Variants in ZBTB41 observed in about 807,000 individuals in gnomAD.
ZBTB41 encodes the protein zinc finger and BTB domain containing 41.
In ZBTB41, 42 loss-of-function variants were observed where a neutral mutation model predicts 87.6. The observed-to-expected ratio is 0.48, with a 90% CI of 0.37 to 0.62. The LOEUF (loss-of-function observed/expected upper bound fraction) is 0.62, where lower values mean the gene tolerates loss of function less well. Ranked by LOEUF, ZBTB41 falls within the 20% of genes least tolerant of loss-of-function variation. The pLI is 0.00. For synonymous variants in ZBTB41, 364 were observed against 364.0 expected (o/e 1.00, Z 0.00); for missense variants, 799 against 1,078.9 (o/e 0.74, Z 3.63).
rs1396183180 is a variant in ZBTB41 at position 197,159,369 on chromosome 1, T to A, written c.2720A>T (p.His907Leu). 1 of 1,613,128 alleles carries A rather than the reference T, an allele frequency of 6.2e-7. No individual in the cohort carries two copies. The highest frequency in any genetic ancestry group is 1.3e-5 in the African/African-American group (1 of 74,896). ...AATGTTTAGATTTACTCATGAATGA[T>A]GCTCATTCGTAGAAATATTTTGAAC... ...TGVQNISTNE[H>L]HS Residue 907 changes from histidine to leucine, a missense_variant, in exon 11 of 11, where the codon CAT becomes CTT. By Grantham distance (99) the His-to-Leu change is moderately conservative. This residue lies in a region of ZBTB41 where 171 missense variants were observed against 191.9 expected (regional missense o/e 0.89). Transcript: ENST00000367405.
At chr1:197,180,123 T>C (rs991667407) in intron 6 of ZBTB41, among the ~76,000 whole-genome samples, 7 of 152,138 alleles carry the variant, frequency 4.6e-5, no homozygotes, top group Non-Finnish European at 4.4e-5. Context: ...TTCTTTTTTA[T>C]ATTTTATACC....
At position 197,156,203 on chromosome 1, in the gene ZBTB41, A is replaced by G. The variant is rs1266321822; in HGVS notation, c.*3156T>C. On this transcript the variant is annotated 3_prime_UTR_variant, in exon 11 of 11. Coordinates refer to ENST00000367405, the MANE Select transcript of ZBTB41 (RefSeq NM_194314.3). ...ATCAATCTCAGTATTCAAACTAACA[A>G]CTTTTTTTTTTTAAAAAAATCCATT... The G allele has an allele frequency of 7.3e-6, 1 of 137,024 alleles. No homozygotes were observed. Among genetic ancestry groups the G allele is most frequent in the East Asian group, 2.0e-4 (1 of 5,054 alleles). 8.5% of individuals were successfully genotyped at this position (137,024 alleles called of 1,614,324 possible).
chr1:197,157,519 G>A lies in ZBTB41; in HGVS notation c.*1840C>T, dbSNP rs4639796. The stretch of plus-strand genomic sequence containing the variant: ...AATTTGAAAGACTAACAGACTAACA[G>A]TACCTCATATAGTCAACCTCAATCA... On this transcript the variant is annotated 3_prime_UTR_variant, in exon 11 of 11. Transcript: ENST00000367405. The A allele has an allele frequency of 0.18, 26,609 of 151,782 alleles. 3,823 individuals carry two copies. The highest frequency in any genetic ancestry group is 0.7 in the East Asian group (3,583 of 5,150). 9.4% of individuals were successfully genotyped at this position (151,782 alleles called of 1,614,324 possible). A position where few individuals can be genotyped will look rare whatever the true frequency, so the allele number is the denominator to read the frequency against.
In ZBTB41 at chr1:197,156,793, T is replaced by C. The variant is rs1224747380; in HGVS notation, c.*2566A>G. 1.3e-5 allele frequency: 2 copies of C among 152,212 alleles called. No homozygotes were observed. Among genetic ancestry groups the C allele is most frequent in the African/African-American group, 2.4e-5 (1 of 41,400 alleles). 9.4% of individuals were successfully genotyped at this position (152,212 alleles called of 1,614,324 possible). ...AAACTATTACTTCACCAGAATTATATTACGCATCTCCCAGACTAGGTTAAG... is the reference window on the plus strand; with the variant it reads ...AAACTATTACTTCACCAGAATTATACTACGCATCTCCCAGACTAGGTTAAG... On this transcript the variant is annotated 3_prime_UTR_variant, in exon 11 of 11. Transcript: ENST00000367405.
rs935308625 is a variant in ZBTB41, at chr1:197,153,836, A to G, written c.*5523T>C. ...CATCAGACAACCAAAGTATGTATAAAACTCACAAGATATTTTACACACAGT... is the reference window on the plus strand; with the variant it reads ...CATCAGACAACCAAAGTATGTATAAGACTCACAAGATATTTTACACACAGT... On this transcript the variant is annotated 3_prime_UTR_variant, in exon 11 of 11. Coordinates refer to ENST00000367405, the MANE Select transcript of ZBTB41 (RefSeq NM_194314.3). The G allele has an allele frequency of 9.2e-5, 14 of 152,210 alleles. No homozygotes were observed. Among genetic ancestry groups the G allele is most frequent in the Admixed American group, 7.2e-4 (11 of 15,278 alleles). The allele number at this position is 152,210 out of a possible 1,614,324, so 9.4% of individuals were successfully genotyped here.
intron 2 of ZBTB41, among the ~76,000 whole-genome samples, chr1:197,198,400 T>C (rs1025249182): frequency 6.6e-6 from 1 of 152,174 alleles, no homozygotes; most frequent in African/African-American, 2.4e-5. Context: ...TTTCCGCCTA[T>C]ATCAATAACA....
At chr1:197,198,583 T>G (rs1367831290) in intron 2 of ZBTB41, among the ~76,000 whole-genome samples, 2 of 152,160 alleles carry the variant, frequency 1.3e-5, no homozygotes, top group Non-Finnish European at 1.5e-5. Flanking sequence ...AAAGTTTACA[T>G]TAGAACAGTT....
chr1:197,195,084 G>A (rs1244002328), intron 2 of ZBTB41, among the ~76,000 whole-genome samples: 2 of 152,086 alleles, frequency 1.3e-5, no homozygotes, highest in Admixed American at 1.3e-4. Context: ...TCATGGAGTG[G>A]GGCATTCAAT....
intron 6 of ZBTB41, among the ~76,000 whole-genome samples, chr1:197,178,837 TAG>T (rs913633741): frequency 6.6e-6 from 1 of 152,154 alleles, no homozygotes; most frequent in African/African-American, 2.4e-5. Context: ...TGAATTTTGA[TAG>T]AGAGGGTTTA....
intron 6 of ZBTB41, among the ~76,000 whole-genome samples, chr1:197,180,397 T>A (rs756682671): frequency 4.6e-5 from 7 of 152,154 alleles, no homozygotes; most frequent in Non-Finnish European, 5.9e-5. Flanking sequence ...AAGCGGCGCA[T>A]GACTGTACTT....
Position 197,154,079 on chromosome 1 carries a change from T to C in ZBTB41, c.*5280A>G, listed in dbSNP as rs1031789681. On this transcript the variant is annotated 3_prime_UTR_variant, in exon 11 of 11. Coordinates refer to ENST00000367405, the MANE Select transcript of ZBTB41 (RefSeq NM_194314.3). ...ATTTTCTGGCAGCCACACTCATCAA[T>C]TGTAATACAGTTTTATCAATAGGGA... 2.0e-5 allele frequency: 3 copies of C among 152,552 alleles called. No homozygotes were observed. Among genetic ancestry groups the C allele is most frequent in the Non-Finnish European group, 2.9e-5 (2 of 67,970 alleles). The allele number at this position is 152,552 out of a possible 1,614,324, so 9.4% of individuals were successfully genotyped here.
At position 197,199,538 on chromosome 1, in the gene ZBTB41, C is replaced by A; in HGVS notation, c.936G>T (p.Glu312Asp). Residue 312 changes from glutamate to aspartate, a missense_variant, in exon 2 of 11, where the codon GAG (glutamate) becomes GAT (aspartate). Coordinates refer to ENST00000367405, the MANE Select transcript of ZBTB41 (RefSeq NM_194314.3). ...YNAEEDELEE[E>D]MSDEYSDIEE... The stretch of plus-strand genomic sequence containing the variant: ...CAATGTCAGAGTACTCATCTGACAT[C>A]TCCTCCTCTAGCTCATCTTCTTCAG... The A allele has an allele frequency of 6.2e-7, 1 of 1,609,740 alleles. No individual in the cohort carries two copies. The highest frequency in any genetic ancestry group is 8.5e-7 in the Non-Finnish European group (1 of 1,178,550).
rs1571640852 is a variant in ZBTB41 at position 197,156,533 on chromosome 1, A to G, written c.*2826T>C. 6.6e-6 allele frequency: 1 copy of G among 152,282 alleles called. No individual in the cohort carries two copies. The highest frequency in any genetic ancestry group is 6.6e-5 in the Admixed American group (1 of 15,210). The allele number at this position is 152,282 out of a possible 1,614,324, so 9.4% of individuals were successfully genotyped here. A position where few individuals can be genotyped will look rare whatever the true frequency, so the allele number is the denominator to read the frequency against. On this transcript the variant is annotated 3_prime_UTR_variant, in exon 11 of 11. Transcript: ENST00000367405. ...TACAGTTACAAAATAAATGGATTAG[A>G]GTTATAGAGCATTTGTCCAAAATAC...
At chr1:197,163,844 A>C (rs1337031252) in intron 10 of ZBTB41, among the ~76,000 whole-genome samples, 1 of 152,088 alleles carries the variant, frequency 6.6e-6, no homozygotes. Context: ...AAAGTGCCAA[A>C]TGAAAAAAGC....
chr1:197,197,419 G>A (rs1274441540), intron 2 of ZBTB41, among the ~76,000 whole-genome samples: 1 of 151,900 alleles, frequency 6.6e-6, no homozygotes, highest in Non-Finnish European at 1.5e-5. Context: ...AGAGGAATGG[G>A]TAGAAGAGTG....
chr1:197,161,693 T>C (rs1234531932), intron 10 of ZBTB41, among the ~76,000 whole-genome samples: 2 of 152,166 alleles, frequency 1.3e-5, no homozygotes, highest in Admixed American at 6.6e-5. Flanking sequence ...ACATTTGATT[T>C]TACAAGTGAA....
chr1:197,172,121 CTATA>C, intron 10 of ZBTB41, 35 bp downstream of exon 10: 5 of 771,814 alleles, frequency 6.5e-6, no homozygotes, highest in South Asian at 3.8e-5. Context: ...ATATCTCTCT[CTATA>C]TATATATATC....
At chr1:197,187,734 A>G (rs1194275896) in intron 5 of ZBTB41, among the ~76,000 whole-genome samples, 1 of 152,192 alleles carries the variant, frequency 6.6e-6, no homozygotes, top group Non-Finnish European at 1.5e-5. Flanking sequence ...AACACAGTGT[A>G]TGATTCCAAC....
chr1:197,174,958 C>T (rs1168785118), intron 9 of ZBTB41, 52 bp downstream of exon 9: 2 of 1,447,214 alleles, frequency 1.4e-6, no homozygotes, highest in African/African-American at 2.9e-5. Context: ...TTACAACTTT[C>T]CTCAGAGACT....
Sources: gnomAD v4.1 joint callset for allele counts (sites outside exome capture counted in the v4.1 genomes callset) on GRCh38, gnomAD v4.1.1 for gene constraint, gnomAD v4.1.1 regional missense constraint, MANE v1.5 for transcripts, NCBI Gene and HGNC (gene_info 2026-07-23, HGNC 2026-07-21) for gene names.